The following FOXP1 variants were observed in gnomAD, a reference collection of about 807,000 sequenced individuals.
FOXP1 encodes the protein forkhead box P1, also known as forkhead box protein P1.
Under a neutral mutation model 98.2 loss-of-function variants are expected in FOXP1, and 15 were observed. That is an observed-to-expected ratio of 0.15 (90% CI 0.10 to 0.24). The LOEUF (loss-of-function observed/expected upper bound fraction) is 0.24. FOXP1 is among the 10% of genes least tolerant of loss of function. The pLI is 1.00. For missense variants in FOXP1, 633 were observed against 848.5 expected (o/e 0.75, Z 3.15); for synonymous variants, 371 against 314.5 (o/e 1.18, Z -1.90).
chr3:71,253,018 C>A (rs1002568550), intron 5 of FOXP1, among the ~76,000 whole-genome samples: 2 of 152,170 alleles, frequency 1.3e-5, no homozygotes, highest in African/African-American at 4.8e-5. Flanking sequence ...GCAGCTGACA[C>A]CATGAGCAGG....
intron 2 of FOXP1, among the ~76,000 whole-genome samples, chr3:71,540,649 G>C (rs914261752): frequency 2.6e-5 from 4 of 152,202 alleles, no homozygotes. Flanking sequence ...TTCTAGAGCA[G>C]GGACAACAGA....
At chr3:71,018,796 C>T (rs566995587) in intron 11 of FOXP1, among the ~76,000 whole-genome samples, 2 of 152,168 alleles carry the variant, frequency 1.3e-5, no homozygotes, top group East Asian at 3.9e-4. Context: ...TCAGTTTTCA[C>T]CATACTTCTT....
chr3:71,019,124 T>A (rs1326456724), intron 11 of FOXP1, among the ~76,000 whole-genome samples: 1 of 152,198 alleles, frequency 6.6e-6, no homozygotes, highest in Non-Finnish European at 1.5e-5. Flanking sequence ...TTTATATTCT[T>A]ACTGCCTTTT....
chr3:70,970,644 T>TAATA lies in FOXP1; in HGVS notation c.1722+88_1722+91dup. 4 of 1,077,476 alleles carry TAATA rather than the reference T, an allele frequency of 3.7e-6. No homozygotes were observed. The Admixed American group carries it at 6.7e-5, about 18-fold the overall frequency. 66.7% of individuals were successfully genotyped at this position (1,077,476 alleles called of 1,614,324 possible). A position where few individuals can be genotyped will look rare whatever the true frequency, so the allele number is the denominator to read the frequency against. ...AAAAAAGTTTAACGGAATTAAAATT[T>TAATA]AATATCTAATTAGAGCAAGGCTAAT... On this transcript the variant is annotated intron_variant, in intron 19 of 20. Coordinates refer to ENST00000649528, the MANE Select transcript of FOXP1 (RefSeq NM_001349338.3).
chr3:71,453,833 A>G (rs897775328), intron 3 of FOXP1, among the ~76,000 whole-genome samples: 10 of 152,206 alleles, frequency 6.6e-5, no homozygotes, highest in Admixed American at 6.5e-4. Context: ...TCTGCCTTCT[A>G]GAGATAAAAA....
chr3:71,127,007 A>AT (rs1180449279), intron 6 of FOXP1, among the ~76,000 whole-genome samples: 9 of 151,622 alleles, frequency 5.9e-5, no homozygotes, highest in Non-Finnish European at 8.8e-5. Flanking sequence ...TTGAGTAGAG[A>AT]TTTTTTTTTC....
At chr3:71,280,071 T>C (rs1367490376) in intron 5 of FOXP1, among the ~76,000 whole-genome samples, 1 of 137,182 alleles carries the variant, frequency 7.3e-6, no homozygotes, top group African/African-American at 2.8e-5. Flanking sequence ...TGCAGCGAGC[T>C]GAGACTGCAC....
rs538979181 is a variant in FOXP1 at position 71,140,610 on chromosome 3, T to C, written c.181-27973A>G. ...GCATTTGTATTCGCTATCCTTCCAA[T>C]GACTTTTCAAGGTGGGAATTATCAT... On this transcript the variant is annotated intron_variant, in intron 6 of 20. Transcript: ENST00000649528. Among the ~76,000 whole-genome samples the C allele has an allele frequency of 1.7e-3, 254 of 152,320 alleles. 1 individual carries two copies. Among genetic ancestry groups the C allele is most frequent in the Non-Finnish European group, 2.6e-3 (174 of 68,024 alleles).
chr3:70,967,687 G>GTTT lies in FOXP1; in HGVS notation c.1723-1634_1723-1632dup, dbSNP rs67711426. On this transcript the variant is annotated intron_variant, in intron 19 of 20. Coordinates refer to ENST00000649528, the MANE Select transcript of FOXP1 (RefSeq NM_001349338.3). ...GCAGTTGCCAGAACTACTATTATTT[G>GTTT]TTTTTTTTTTTTGTTTTTTTTTGTT... Among the ~76,000 whole-genome samples, 200 of 61,294 alleles carry GTTT rather than the reference G, an allele frequency of 3.3e-3. 1 individual carries two copies. The highest frequency in any genetic ancestry group is 4.4e-3 in the Non-Finnish European group (136 of 30,568). The allele number at this position is 61,294 out of a possible 152,430, so 40.2% of individuals were successfully genotyped here. A position where few individuals can be genotyped will look rare whatever the true frequency, so the allele number is the denominator to read the frequency against.
intron 6 of FOXP1, among the ~76,000 whole-genome samples, chr3:71,123,919 T>C (rs762540910): frequency 5.3e-5 from 8 of 152,188 alleles, no homozygotes; most frequent in African/African-American, 1.2e-4. Flanking sequence ...AAACCCATTA[T>C]ATTATTTATT....
intron 10 of FOXP1, 99 bp from the exon 11 acceptor site, chr3:71,041,631 T>C (rs894973228): frequency 4.1e-6 from 5 of 1,213,710 alleles, no homozygotes; most frequent in Non-Finnish European, 6.0e-6. Context: ...AGCCTAGTGT[T>C]AGGGGGGTTT....
intron 7 of FOXP1, among the ~76,000 whole-genome samples, chr3:71,080,691 C>A (rs1197023259): frequency 6.6e-6 from 1 of 152,206 alleles, no homozygotes; most frequent in Non-Finnish European, 1.5e-5. Flanking sequence ...CACTTCAAAT[C>A]CACCTACCTG....
At chr3:71,516,810 C>T (rs960398892) in intron 2 of FOXP1, among the ~76,000 whole-genome samples, 3 of 152,154 alleles carry the variant, frequency 2.0e-5, no homozygotes, top group Non-Finnish European at 2.9e-5. Flanking sequence ...CACATCACTG[C>T]ACTCTAGCCT....
chr3:70,970,919 A>G, intron 18 of FOXP1, 114 bp from the exon 19 acceptor site: 1 of 797,940 alleles, frequency 1.3e-6, no homozygotes, highest in East Asian at 2.5e-5. Context: ...TTCCCCCACT[A>G]GCAAAACCCA....
chr3:71,008,947 A>C (rs536469090), intron 12 of FOXP1, among the ~76,000 whole-genome samples: 1 of 151,982 alleles, frequency 6.6e-6, no homozygotes, highest in Non-Finnish European at 1.5e-5. Flanking sequence ...ACAGTGGCAC[A>C]GTATTGACAG....
chr3:71,028,070 C>A (rs2046368341), intron 11 of FOXP1, among the ~76,000 whole-genome samples: 2 of 152,072 alleles, frequency 1.3e-5, no homozygotes. Context: ...GAGCAGAGAA[C>A]CGAAGCACAC....
chr3:70,964,460 A>C (rs1242880603), intron 20 of FOXP1, among the ~76,000 whole-genome samples: 1 of 152,252 alleles, frequency 6.6e-6, no homozygotes, highest in East Asian at 1.9e-4. Context: ...TGTACAGATT[A>C]TGAGAAATAG....
intron 6 of FOXP1, among the ~76,000 whole-genome samples, chr3:71,132,746 T>C (rs1474648371): frequency 6.6e-6 from 1 of 152,210 alleles, no homozygotes; most frequent in Non-Finnish European, 1.5e-5. Flanking sequence ...AACCAATTTT[T>C]AAAAGCTGTA....
chr3:71,149,497 C>A (rs72949388), intron 6 of FOXP1, among the ~76,000 whole-genome samples: 4,528 of 152,118 alleles, frequency 0.03, 237 homozygotes, highest in African/African-American at 0.1. Flanking sequence ...AAAGGGCCTA[C>A]AGAAGGCCCA....
Sources: allele counts gnomAD v4.1 joint callset (sites outside exome capture counted in the v4.1 genomes callset), GRCh38; gene constraint gnomAD v4.1.1; transcripts MANE v1.5; gene names NCBI Gene and HGNC (gene_info 2026-07-23, HGNC 2026-07-21).